The following LINGO2 variants were observed in gnomAD, a reference collection of about 807,000 sequenced individuals.
The protein encoded by LINGO2 is leucine-rich repeat and immunoglobulin-like domain-containing nogo receptor-interacting protein 2.
Under a neutral mutation model 30.6 loss-of-function variants are expected in LINGO2, and 14 were observed. That is an observed-to-expected ratio of 0.46 (90% CI 0.30 to 0.72). The LOEUF is 0.72. LINGO2 is among the 30% of genes least tolerant of loss of function. LINGO2 has a pLI of 0.07. For synonymous variants in LINGO2, 317 were observed against 288.5 expected, an observed-to-expected ratio of 1.10 and a Z score of -1.00; for missense variants, 729 against 751.7, an observed-to-expected ratio of 0.97 and a Z score of 0.35.
chr9:29,097,154 G>A, the LINGO2 span, among the ~76,000 whole-genome samples: 31 of 137,644 alleles, frequency 2.3e-4, 6 homozygotes, highest in Non-Finnish European at 4.6e-4. Context: ...TTCATATATC[G>A]TTACAAAGTT....
chr9:27,943,628 T>A (rs1371414073), downstream of LINGO2: 3 of 151,288 alleles, frequency 2.0e-5, no homozygotes, highest in African/African-American at 7.3e-5. Flanking sequence ...TTTTTTTTTT[T>A]AAAGCAATTT....
intron 4 of LINGO2, among the ~76,000 whole-genome samples, chr9:28,166,636 C>G (rs1828434333): frequency 6.6e-6 from 1 of 152,070 alleles, no homozygotes; most frequent in South Asian, 2.1e-4. Context: ...GAAGTCTTCT[C>G]TTGACATTGT....
chr9:28,733,677 C>T, the LINGO2 span, among the ~76,000 whole-genome samples: 1 of 152,240 alleles, frequency 6.6e-6, no homozygotes, highest in East Asian at 1.9e-4. Flanking sequence ...TCTATCACTT[C>T]TGTGATATCT....
the LINGO2 span, among the ~76,000 whole-genome samples, chr9:29,169,552 G>A: frequency 8.6e-5 from 13 of 152,044 alleles, no homozygotes; most frequent in Admixed American, 1.3e-4. Context: ...CTAATCATCA[G>A]AGAAATGCAA....
At chr9:28,220,335 G>T (rs1260879936) in intron 4 of LINGO2, among the ~76,000 whole-genome samples, 1 of 151,994 alleles carries the variant, frequency 6.6e-6, no homozygotes, top group Non-Finnish European at 1.5e-5. Context: ...TATAATACTG[G>T]CTTTCAGAAC....
At chr9:28,266,901 G>A (rs1419480928) in intron 4 of LINGO2, among the ~76,000 whole-genome samples, 1 of 151,946 alleles carries the variant, frequency 6.6e-6, no homozygotes, top group South Asian at 2.1e-4. Context: ...CAGGACAATC[G>A]TGGACATCTG....
chr9:29,046,630 C>A, the LINGO2 span, among the ~76,000 whole-genome samples: 1 of 152,140 alleles, frequency 6.6e-6, no homozygotes. Context: ...AAACCCAAAA[C>A]TATAAAAACC....
intron 4 of LINGO2, among the ~76,000 whole-genome samples, chr9:28,193,080 A>G (rs1248411679): frequency 1.3e-5 from 2 of 152,210 alleles, no homozygotes. Context: ...TAGAGGAATC[A>G]AGATGAAAAG....
chr9:28,065,241 T>C (rs1825277838), intron 4 of LINGO2, among the ~76,000 whole-genome samples: 1 of 152,050 alleles, frequency 6.6e-6, no homozygotes, highest in Non-Finnish European at 1.5e-5. Context: ...TCAATTTTTA[T>C]AACCACATTT....
the LINGO2 span, among the ~76,000 whole-genome samples, chr9:28,698,865 G>T: frequency 6.6e-6 from 1 of 151,788 alleles, no homozygotes; most frequent in Non-Finnish European, 1.5e-5. Flanking sequence ...AACATCATGA[G>T]ACTCTAGCTC....
At chr9:28,704,715 C>A in the LINGO2 span, among the ~76,000 whole-genome samples, 1 of 151,968 alleles carries the variant, frequency 6.6e-6, no homozygotes, top group East Asian at 1.9e-4. Context: ...ATTTTCATGT[C>A]TGATACAGTG....
At chr9:28,676,975 G>C in the LINGO2 span, among the ~76,000 whole-genome samples, 1 of 152,072 alleles carries the variant, frequency 6.6e-6, no homozygotes, top group Non-Finnish European at 1.5e-5. Context: ...AACACATACA[G>C]AAAACTACTG....
chr9:28,084,256 T>C (rs1009492177), intron 4 of LINGO2, among the ~76,000 whole-genome samples: 23 of 152,132 alleles, frequency 1.5e-4, no homozygotes, highest in African/African-American at 5.6e-4. Flanking sequence ...CTAATTATGT[T>C]CTTTGTTTTA....
chr9:29,077,073 G>T, the LINGO2 span, among the ~76,000 whole-genome samples: 2 of 151,904 alleles, frequency 1.3e-5, no homozygotes, highest in African/African-American at 4.8e-5. Flanking sequence ...CAAACATAAG[G>T]AAATGGCAAA....
rs190986140 is a variant in LINGO2, at chr9:28,084,027, T to C, written c.-86-71622A>G. ...GTGTTTTGCATATCCTCCTAGACCT[T>C]CTTGGACCTTAGAGTACAATCTGAT... On this transcript the variant is annotated intron_variant, in intron 4 of 5. Transcript: ENST00000379992. Among the ~76,000 whole-genome samples the C allele has an allele frequency of 2.8e-3, 421 of 152,270 alleles. 3 individuals are homozygous for C. The highest frequency in any genetic ancestry group is 4.5e-3 in the Non-Finnish European group (308 of 68,014).
At chr9:28,930,910 C>T in the LINGO2 span, among the ~76,000 whole-genome samples, 11 of 152,146 alleles carry the variant, frequency 7.2e-5, no homozygotes, top group Admixed American at 7.2e-4. This position sits in a 1 kb window ranked among gnomAD's most constrained non-coding sequence, Gnocchi z 4.2. Context: ...TATTACTCTA[C>T]TGCTTTTCAT....
At chr9:28,496,043 A>C (rs182344598) in intron 1 of LINGO2, among the ~76,000 whole-genome samples, 1 of 150,440 alleles carries the variant, frequency 6.6e-6, no homozygotes, top group Non-Finnish European at 1.5e-5. Context: ...TATAATTTCC[A>C]TTCTTTTACA....
the LINGO2 span, among the ~76,000 whole-genome samples, chr9:28,962,105 A>G: frequency 3.3e-5 from 5 of 152,164 alleles, no homozygotes; most frequent in Admixed American, 1.3e-4. Flanking sequence ...AACCTACTAA[A>G]TAAACACAAT....
the LINGO2 span, among the ~76,000 whole-genome samples, chr9:29,021,864 A>T: frequency 2.0e-5 from 3 of 152,278 alleles, no homozygotes; most frequent in South Asian, 6.2e-4. Context: ...TAGTCTTAAT[A>T]TGGATCACAT....
Sources: allele counts gnomAD v4.1 joint callset (sites outside exome capture counted in the v4.1 genomes callset), GRCh38; gene constraint gnomAD v4.1.1; non-coding constraint Gnocchi (gnomAD v3.1); transcripts MANE v1.5; gene names NCBI Gene and HGNC (gene_info 2026-07-23, HGNC 2026-07-21).